Variants in ATRNL1 observed in about 807,000 individuals in gnomAD.
The protein encoded by ATRNL1 is attractin-like protein 1.
A neutral mutation model predicts 182.7 loss-of-function variants in ATRNL1; 95 were observed. That is an observed-to-expected ratio of 0.52 (90% CI 0.44 to 0.62). ATRNL1 has a LOEUF of 0.62. Ranked by LOEUF, ATRNL1 falls within the 20% of genes least tolerant of loss-of-function variation. The pLI is 0.00. For synonymous variants in ATRNL1, 576 were observed against 568.3 expected (o/e 1.01, Z -0.19); for missense variants, 1,471 against 1,679.5 (o/e 0.88, Z 2.17).
intron 21 of ATRNL1, among the ~76,000 whole-genome samples, chr10:115,447,435 T>C (rs1847058435): frequency 6.6e-6 from 1 of 151,526 alleles, no homozygotes. Context: ...TATTGAGTAC[T>C]TTATATATGT....
intron 26 of ATRNL1, among the ~76,000 whole-genome samples, chr10:115,561,235 A>G (rs1156841301): frequency 1.3e-5 from 2 of 152,236 alleles, no homozygotes; most frequent in East Asian, 1.9e-4. Flanking sequence ...ACTTTTGCAT[A>G]TCATATATCT....
At chr10:115,751,010 C>T (rs540798313) in intron 27 of ATRNL1, among the ~76,000 whole-genome samples, 1 of 152,106 alleles carries the variant, frequency 6.6e-6, no homozygotes, top group East Asian at 1.9e-4. Flanking sequence ...GTTCCCAGAA[C>T]TTCACATGGC....
chr10:115,680,765 G>A (rs1565279177), intron 26 of ATRNL1, among the ~76,000 whole-genome samples: 1 of 152,122 alleles, frequency 6.6e-6, no homozygotes, highest in Non-Finnish European at 1.5e-5. Context: ...AGAAAGAGAT[G>A]TATTGAAAGC....
chr10:115,664,586 C>G (rs879983899), intron 26 of ATRNL1, among the ~76,000 whole-genome samples: 2 of 151,980 alleles, frequency 1.3e-5, no homozygotes, highest in Non-Finnish European at 2.9e-5. Context: ...AAATAAAATT[C>G]AGATATAAAA....
intron 5 of ATRNL1, among the ~76,000 whole-genome samples, chr10:115,147,404 C>A (rs1200528733): frequency 1.3e-5 from 2 of 152,024 alleles, no homozygotes; most frequent in Non-Finnish European, 2.9e-5. Flanking sequence ...ATATTTTCTC[C>A]CATCCTGCAG....
chr10:115,325,846 A>G (rs543238647), intron 18 of ATRNL1, among the ~76,000 whole-genome samples: 91 of 151,520 alleles, frequency 6.0e-4, no homozygotes, highest in African/African-American at 2.2e-3. Flanking sequence ...TGTGAGGGAG[A>G]TGTTAGATAT....
At chr10:115,200,145 T>C (rs1360999382) in intron 8 of ATRNL1, among the ~76,000 whole-genome samples, 1 of 152,104 alleles carries the variant, frequency 6.6e-6, no homozygotes. Flanking sequence ...ATTTATTTCA[T>C]TTCTGCTGAA....
chr10:115,094,145 G>A, intron 1 of ATRNL1, 102 bp downstream of exon 1: 2 of 1,172,056 alleles, frequency 1.7e-6, no homozygotes, highest in Non-Finnish European at 2.2e-6. Context: ...CGCTGCCTCT[G>A]ATCCCCCGGC....
chr10:115,274,570 CA>C (rs1286492340), intron 13 of ATRNL1, among the ~76,000 whole-genome samples: 1 of 152,188 alleles, frequency 6.6e-6, no homozygotes, highest in African/African-American at 2.4e-5. Context: ...GTAGTTGCTA[CA>C]TCTTGCTCAC....
intron 26 of ATRNL1, among the ~76,000 whole-genome samples, chr10:115,689,659 G>T (rs1946327672): frequency 6.6e-6 from 1 of 152,176 alleles, no homozygotes; most frequent in Admixed American, 6.5e-5. Context: ...GGTAGTGGCA[G>T]CAGTGGACCA....
In ATRNL1 at chr10:115,140,300, A is replaced by C. The variant is rs140965514; in HGVS notation, c.829+10765A>C. On this transcript the variant is annotated intron_variant, in intron 5 of 28. Coordinates refer to ENST00000355044, the MANE Select transcript of ATRNL1 (RefSeq NM_207303.4). ...TCCACACAATAAAGGATTCTCCCAA[A>C]CACAGGAAAGGGGATTCAAATGATT... Among the ~76,000 whole-genome samples the C allele has an allele frequency of 5.3e-5, 8 of 152,342 alleles. No individual in the cohort carries two copies. The East Asian group carries it at 1.5e-3, about 29-fold the overall frequency.
chr10:115,104,495 G>A (rs951623593), intron 1 of ATRNL1, among the ~76,000 whole-genome samples: 6 of 151,918 alleles, frequency 3.9e-5, no homozygotes, highest in Admixed American at 3.3e-4. Flanking sequence ...TCTGTGGATC[G>A]TCTCTTCATG....
intron 18 of ATRNL1, among the ~76,000 whole-genome samples, chr10:115,333,624 A>G (rs1310929035): frequency 1.3e-5 from 2 of 151,720 alleles, no homozygotes; most frequent in Non-Finnish European, 2.9e-5. Context: ...AGCTAAGATT[A>G]CAGGCATGCA....
At chr10:115,282,793 G>GT (rs35849374) in intron 14 of ATRNL1, among the ~76,000 whole-genome samples, 117 of 145,178 alleles carry the variant, frequency 8.1e-4, no homozygotes, top group African/African-American at 1.6e-3. Flanking sequence ...TTTATCCCAG[G>GT]TTTTTTTTTT....
At chr10:115,868,215 A>G (rs925728136) in intron 28 of ATRNL1, among the ~76,000 whole-genome samples, 1 of 152,172 alleles carries the variant, frequency 6.6e-6, no homozygotes, top group African/African-American at 2.4e-5. Context: ...GTTACAACTT[A>G]TTCTAGCTCC....
At chr10:115,130,420 A>G (rs1400746583) in intron 5 of ATRNL1, among the ~76,000 whole-genome samples, 1 of 152,104 alleles carries the variant, frequency 6.6e-6, no homozygotes, top group African/African-American at 2.4e-5. Context: ...TATTCCTGAG[A>G]TGACCTTTTC....
intron 21 of ATRNL1, among the ~76,000 whole-genome samples, chr10:115,459,196 A>G (rs1847674539): frequency 6.6e-6 from 1 of 152,152 alleles, no homozygotes; most frequent in African/African-American, 2.4e-5. Context: ...CGTTAACTAC[A>G]CAAATTGTAC....
intron 27 of ATRNL1, among the ~76,000 whole-genome samples, chr10:115,765,805 A>C (rs1017000895): frequency 8.5e-5 from 13 of 152,132 alleles, no homozygotes; most frequent in African/African-American, 3.1e-4. Context: ...ATTTTGAGTT[A>C]ATTTTTGTGG....
At chr10:115,426,763 C>T (rs140702207) in intron 21 of ATRNL1, among the ~76,000 whole-genome samples, 4 of 152,102 alleles carry the variant, frequency 2.6e-5, no homozygotes, top group African/African-American at 7.2e-5. Flanking sequence ...TTGCTCTTGT[C>T]GCCCAGGCTG....
Sources: allele counts gnomAD v4.1 joint callset (sites outside exome capture counted in the v4.1 genomes callset), GRCh38; gene constraint gnomAD v4.1.1; transcripts MANE v1.5; gene names NCBI Gene and HGNC (gene_info 2026-07-23, HGNC 2026-07-21).